Variants in PDS5B observed in about 807,000 individuals in gnomAD.
The protein encoded by PDS5B is PDS5 cohesin associated factor B.
A neutral mutation model predicts 184.1 loss-of-function variants in PDS5B; 51 were observed. The observed-to-expected ratio is 0.28, with a 90% CI of 0.22 to 0.35. PDS5B has a LOEUF of 0.35. Among genes scored for constraint, PDS5B ranks in the 10% least tolerant of loss-of-function variants. PDS5B has a pLI of 1.00. For synonymous variants in PDS5B, 566 were observed against 569.2 expected (o/e 0.99, Z 0.08); for missense variants, 1,180 against 1,723.3 (o/e 0.68, Z 5.58).
intron 1 of PDS5B, among the ~76,000 whole-genome samples, chr13:32,588,291 CTT>C (rs1183775881): frequency 6.6e-6 from 1 of 152,126 alleles, no homozygotes; most frequent in Non-Finnish European, 1.5e-5. Context: ...TACATGGGAA[CTT>C]TTATGTGAAG....
intron 1 of PDS5B, among the ~76,000 whole-genome samples, chr13:32,635,495 C>T (rs2058535214): frequency 6.6e-6 from 1 of 151,516 alleles, no homozygotes; most frequent in South Asian, 2.1e-4. Context: ...AGGTGCGTAC[C>T]ACCACGCCCA....
intron 9 of PDS5B, 92 bp from the exon 10 acceptor site, chr13:32,678,743 C>T: frequency 8.1e-6 from 6 of 737,858 alleles, no homozygotes; most frequent in Admixed American, 7.5e-5. Flanking sequence ...ACTGTTTTTT[C>T]TTTAATTAGA....
At position 32,727,605 on chromosome 13, in the gene PDS5B, A is replaced by G. The variant is rs528762791; in HGVS notation, c.2124-4496A>G. On this transcript the variant is annotated intron_variant, in intron 19 of 34. Coordinates refer to ENST00000315596, the MANE Select transcript of PDS5B (RefSeq NM_015032.4). ...TTTAGGTTTACAGTGATTTTCATTT[A>G]ATGTTTAAAAGATGTCACTCCATTA... 3.3e-5 allele frequency among the ~76,000 whole-genome samples: 5 copies of G among 152,236 alleles called. No individual in the cohort carries two copies. The South Asian group carries it at 8.3e-4, about 25-fold the overall frequency.
At chr13:32,692,670 C>G (rs1234222966) in intron 13 of PDS5B, among the ~76,000 whole-genome samples, 2 of 151,826 alleles carry the variant, frequency 1.3e-5, no homozygotes, top group Non-Finnish European at 2.9e-5. Flanking sequence ...GGAGTTCTTA[C>G]ATTTGCTTAG....
At chr13:32,710,989 C>T (rs9591261) in intron 19 of PDS5B, among the ~76,000 whole-genome samples, 3 of 151,482 alleles carry the variant, frequency 2.0e-5, no homozygotes, top group African/African-American at 4.9e-5. Context: ...TTATTATTTT[C>T]TTTTTTTCTT....
intron 19 of PDS5B, among the ~76,000 whole-genome samples, chr13:32,727,087 G>A (rs904373970): frequency 6.6e-6 from 1 of 151,820 alleles, no homozygotes; most frequent in Non-Finnish European, 1.5e-5. Context: ...GATATGGTGG[G>A]GTTTAAAGCT....
chr13:32,660,834 C>G (rs1443478557), intron 6 of PDS5B, among the ~76,000 whole-genome samples: 1 of 152,146 alleles, frequency 6.6e-6, no homozygotes, highest in African/African-American at 2.4e-5. Context: ...TGGAATCTTT[C>G]CACCAAGTAC....
intron 1 of PDS5B, among the ~76,000 whole-genome samples, chr13:32,587,355 C>A (rs957829900): frequency 6.6e-6 from 1 of 152,298 alleles, no homozygotes; most frequent in African/African-American, 2.4e-5. Flanking sequence ...GGGACTCCTC[C>A]CAGGCCACAA....
At chr13:32,687,025 T>TA (rs918800010) in intron 11 of PDS5B, 109 bp from the exon 12 acceptor site, 1 of 795,294 alleles carries the variant, frequency 1.3e-6, no homozygotes, top group Non-Finnish European at 2.0e-6. Flanking sequence ...ATCTGAGACT[T>TA]AAAAAAATGT....
At chr13:32,712,771 G>T (rs1952248599) in intron 19 of PDS5B, among the ~76,000 whole-genome samples, 1 of 152,224 alleles carries the variant, frequency 6.6e-6, no homozygotes, top group Non-Finnish European at 1.5e-5. Context: ...AGGACTAAAG[G>T]AGAGGCTTTG....
At position 32,692,414 on chromosome 13, in the gene PDS5B, CCTTTTTT is replaced by C. The variant is rs1170164175; in HGVS notation, c.1470-1808_1470-1802del. On this transcript the variant is annotated intron_variant, in intron 13 of 34. Coordinates refer to ENST00000315596, the MANE Select transcript of PDS5B (RefSeq NM_015032.4). ...ATTAAACAAGTTTGCGTCCAAAAAG[CCTTTTTT>C]TTTTTTTTTTTTTTTTTTTTTGAGA... is the stretch of plus-strand genomic sequence containing the variant. Among the ~76,000 whole-genome samples the C allele has an allele frequency of 1.7e-4, 12 of 69,152 alleles. 1 individual carries two copies. Among genetic ancestry groups the C allele is most frequent in the East Asian group, 1.1e-3 (2 of 1,798 alleles). The allele number at this position is 69,152 out of a possible 152,430, so 45.4% of individuals were successfully genotyped here. A position where few individuals can be genotyped will look rare whatever the true frequency, so the allele number is the denominator to read the frequency against.
chr13:32,637,475 G>C (rs1201295478), intron 1 of PDS5B, among the ~76,000 whole-genome samples: 1 of 152,156 alleles, frequency 6.6e-6, no homozygotes, highest in Non-Finnish European at 1.5e-5. Context: ...TGAGTTCGCG[G>C]TATCTTTGAG....
At chr13:32,733,508 G>A (rs1953197423) in intron 20 of PDS5B, among the ~76,000 whole-genome samples, 1 of 152,114 alleles carries the variant, frequency 6.6e-6, no homozygotes, top group South Asian at 2.1e-4. Context: ...AGTACTGAGG[G>A]AAGTCTTCAA....
chr13:32,657,626 CAG>C, intron 3 of PDS5B, among the ~76,000 whole-genome samples: 1 of 152,116 alleles, frequency 6.6e-6, no homozygotes, highest in East Asian at 1.9e-4. Context: ...GGTTATTATG[CAG>C]ACTTGATTGT....
In PDS5B at chr13:32,654,407, A is replaced by G. The variant is rs1406366918; in HGVS notation, c.312+2400A>G. On this transcript the variant is annotated intron_variant, in intron 3 of 34. Coordinates refer to ENST00000315596, the MANE Select transcript of PDS5B (RefSeq NM_015032.4). ...GGTTATAAGTGACTGTTGTCTTTCC[A>G]TCGCTACATAGGGTCAATATGGCGT... 5.3e-5 allele frequency among the ~76,000 whole-genome samples: 8 copies of G among 152,292 alleles called. No individual in the cohort carries two copies. The South Asian group carries it at 1.5e-3, about 28-fold the overall frequency.
At chr13:32,611,189 C>T (rs2058136237) in intron 1 of PDS5B, among the ~76,000 whole-genome samples, 1 of 152,048 alleles carries the variant, frequency 6.6e-6, no homozygotes, top group Non-Finnish European at 1.5e-5. Flanking sequence ...ATTTCCATGG[C>T]TTCCCTTATA....
In PDS5B at chr13:32,770,564, A is replaced by C; in HGVS notation, c.4064+4A>C. On this transcript the variant is annotated splice_donor_region_variant and intron_variant, in intron 32 of 34. Coordinates refer to ENST00000315596, the MANE Select transcript of PDS5B (RefSeq NM_015032.4). ...TGTCAAGGAGAGCACAGCAGAGGTA[A>C]GCATGTGTAACTCTAAACTGCATCT... 6.2e-7 allele frequency: 1 copy of C among 1,603,600 alleles called. No homozygotes were observed. Among genetic ancestry groups the C allele is most frequent in the Non-Finnish European group, 8.5e-7 (1 of 1,176,868 alleles).
At chr13:32,595,896 A>T (rs1209870832) in intron 1 of PDS5B, among the ~76,000 whole-genome samples, 1 of 152,168 alleles carries the variant, frequency 6.6e-6, no homozygotes, top group Non-Finnish European at 1.5e-5. Context: ...GAGGCCATGG[A>T]CTTGCAGTTA....
At chr13:32,718,706 C>G (rs1212407528) in intron 19 of PDS5B, among the ~76,000 whole-genome samples, 3 of 152,140 alleles carry the variant, frequency 2.0e-5, no homozygotes, top group Non-Finnish European at 1.5e-5. Context: ...TTTCATTTTT[C>G]TTGGAAAATC....
Sources: allele counts gnomAD v4.1 joint callset (sites outside exome capture counted in the v4.1 genomes callset), GRCh38; gene constraint gnomAD v4.1.1; transcripts MANE v1.5; gene names NCBI Gene and HGNC (gene_info 2026-07-23, HGNC 2026-07-21).